DTNB: variants seen among roughly 807,000 people sequenced by gnomAD.
The protein encoded by DTNB is DTN-B.
DTNB carries 63 observed loss-of-function variants against 90.7 expected under a neutral mutation model. The observed-to-expected ratio is 0.69, with a 90% CI of 0.57 to 0.86. DTNB has a LOEUF of 0.86. Ranked by LOEUF, DTNB falls within the 40% of genes least tolerant of loss-of-function variation. The pLI, the probability that DTNB is intolerant of heterozygous loss-of-function variation, is 0.00. For synonymous variants in DTNB, 277 were observed against 286.7 expected (o/e 0.97, Z 0.34); for missense variants, 744 against 807.1 (o/e 0.92, Z 0.95).
chr2:25,560,305 A>G (rs2058061079), intron 8 of DTNB, among the ~76,000 whole-genome samples: 1 of 152,236 alleles, frequency 6.6e-6, no homozygotes, highest in South Asian at 2.1e-4. Flanking sequence ...AGAAGCTCAG[A>G]TATTTGGTGA....
intron 16 of DTNB, among the ~76,000 whole-genome samples, chr2:25,412,543 A>G (rs1162784091): frequency 6.6e-6 from 1 of 152,228 alleles, no homozygotes. Flanking sequence ...CTAAAGTTAC[A>G]GTCTTTAAGC....
intron 8 of DTNB, among the ~76,000 whole-genome samples, chr2:25,534,254 G>T (rs1007068665): frequency 1.3e-5 from 2 of 152,132 alleles, no homozygotes; most frequent in Admixed American, 1.3e-4. Context: ...AGCACATCTT[G>T]CACCGCCCTT....
intron 4 of DTNB, among the ~76,000 whole-genome samples, chr2:25,613,957 C>CTAAATAAA (rs1440773226): frequency 1.3e-5 from 2 of 152,024 alleles, no homozygotes. Flanking sequence ...GACTCCGTCT[C>CTAAATAAA]TAAATAAATA....
At position 25,399,476 on chromosome 2, in the gene DTNB, TG is replaced by T. The variant is rs555433803; in HGVS notation, c.1576-11116del. On this transcript the variant is annotated intron_variant, in intron 16 of 20. Transcript: ENST00000406818. ...CTCGTGCCTCAGCTTCCTGAGTAGC[TG>T]GGATTACAGACATGCACCACCACAT... 868 of 152,078 alleles carry T rather than the reference TG, an allele frequency of 5.7e-3. 9 individuals are homozygous for T. Among genetic ancestry groups the T allele is most frequent in the Middle Eastern group, 0.02 (6 of 298 alleles). 9.4% of individuals were successfully genotyped at this position (152,078 alleles called of 1,614,324 possible). A position where few individuals can be genotyped will look rare whatever the true frequency, so the allele number is the denominator to read the frequency against.
chr2:25,553,542 A>G (rs966160498), intron 8 of DTNB, among the ~76,000 whole-genome samples: 1 of 151,888 alleles, frequency 6.6e-6, no homozygotes, highest in African/African-American at 2.4e-5. Flanking sequence ...GTTTGAGACC[A>G]GCCTGGCCAA....
intron 8 of DTNB, among the ~76,000 whole-genome samples, chr2:25,547,955 T>C (rs2082781459): frequency 2.0e-5 from 3 of 152,244 alleles, no homozygotes. Flanking sequence ...CATAAAGTTG[T>C]TCATAGTATT....
intron 5 of DTNB, among the ~76,000 whole-genome samples, chr2:25,605,316 A>G (rs1312594634): frequency 1.3e-5 from 2 of 152,222 alleles, no homozygotes; most frequent in African/African-American, 2.4e-5. Flanking sequence ...CACTATTGCA[A>G]TGACTTGGGG....
intron 14 of DTNB, among the ~76,000 whole-genome samples, chr2:25,430,117 A>G (rs915322131): frequency 6.6e-6 from 1 of 152,134 alleles, no homozygotes; most frequent in Non-Finnish European, 1.5e-5. Flanking sequence ...TATAATACCT[A>G]TATTATATAG....
chr2:25,385,964 C>T, intron 18 of DTNB: 1 of 954,658 alleles, frequency 1.0e-6, no homozygotes, highest in Non-Finnish European at 1.2e-6. Context: ...GAGAAATTTC[C>T]TCTAAAAGTG....
intron 9 of DTNB, among the ~76,000 whole-genome samples, chr2:25,526,547 C>T (rs1412338248): frequency 2.6e-5 from 4 of 151,338 alleles, no homozygotes; most frequent in African/African-American, 4.9e-5. Flanking sequence ...AGGCACTGGC[C>T]GCCACGCCTG....
chr2:25,383,997 G>T, intron 18 of DTNB, 108 bp from the exon 19 acceptor site: 1 of 1,584,256 alleles, frequency 6.3e-7, no homozygotes, highest in Non-Finnish European at 8.6e-7. Flanking sequence ...CTAGCTAACA[G>T]CTCCTGGCTG....
chr2:25,649,329 C>T (rs1455677204), intron 2 of DTNB, among the ~76,000 whole-genome samples: 3 of 152,098 alleles, frequency 2.0e-5, no homozygotes, highest in Non-Finnish European at 4.4e-5. Flanking sequence ...TCAATATAAC[C>T]TCTGCGGCCC....
At chr2:25,592,755 A>T (rs2063804861) in intron 6 of DTNB, among the ~76,000 whole-genome samples, 1 of 152,248 alleles carries the variant, frequency 6.6e-6, no homozygotes, top group Non-Finnish European at 1.5e-5. Context: ...AACACTGTGG[A>T]CTTAAAAATC....
chr2:25,604,505 C>CA (rs1301126052), intron 5 of DTNB, among the ~76,000 whole-genome samples: 2 of 152,146 alleles, frequency 1.3e-5, no homozygotes, highest in Non-Finnish European at 2.9e-5. Flanking sequence ...CTTCTAGCCT[C>CA]AAGTGATCCT....
At chr2:25,539,008 T>C (rs960384439) in intron 8 of DTNB, among the ~76,000 whole-genome samples, 5 of 152,244 alleles carry the variant, frequency 3.3e-5, no homozygotes, top group African/African-American at 1.2e-4. Flanking sequence ...GTTCTCTATA[T>C]AGTCTTCTGC....
At chr2:25,385,492 G>A (rs2039221559) in intron 18 of DTNB, among the ~76,000 whole-genome samples, 1 of 152,214 alleles carries the variant, frequency 6.6e-6, no homozygotes. Flanking sequence ...ACAGGCTTCA[G>A]TGACTGAGAG....
chr2:25,472,427 T>C (rs2062976655), intron 10 of DTNB, among the ~76,000 whole-genome samples: 1 of 152,110 alleles, frequency 6.6e-6, no homozygotes, highest in Non-Finnish European at 1.5e-5. Flanking sequence ...TGAGTATGGA[T>C]GCTGAGAAGA....
intron 9 of DTNB, among the ~76,000 whole-genome samples, chr2:25,497,086 A>G (rs2069085590): frequency 6.6e-6 from 1 of 152,206 alleles, no homozygotes; most frequent in East Asian, 1.9e-4. Flanking sequence ...AGGAAACAGA[A>G]CAATCACATG....
At chr2:25,412,885 A>G (rs2046946239) in intron 16 of DTNB, among the ~76,000 whole-genome samples, 1 of 152,190 alleles carries the variant, frequency 6.6e-6, no homozygotes, top group African/African-American at 2.4e-5. Flanking sequence ...CCATAGCTCA[A>G]ATGCACCAAT....
Sources: gnomAD v4.1 joint callset for allele counts (sites outside exome capture counted in the v4.1 genomes callset) on GRCh38, gnomAD v4.1.1 for gene constraint, MANE v1.5 for transcripts, NCBI Gene and HGNC (gene_info 2026-07-23, HGNC 2026-07-21) for gene names.